Variants in PRDM12 observed in about 807,000 individuals in gnomAD.
The protein encoded by PRDM12 is PR domain zinc finger protein 12.
In PRDM12, 17 loss-of-function variants were observed where a neutral mutation model predicts 29.6. That is an observed-to-expected ratio of 0.57 (90% CI 0.39 to 0.86). The LOEUF is 0.86. Among genes scored for constraint, PRDM12 ranks in the 40% least tolerant of loss-of-function variants. PRDM12 has a pLI of 0.00. For missense variants in PRDM12, 422 were observed against 510.8 expected (o/e 0.83, Z 1.68); for synonymous variants, 231 against 225.8 (o/e 1.02, Z -0.21).
intron 3 of PRDM12, among the ~76,000 whole-genome samples, chr9:130,669,042 G>A (rs1177971114): frequency 6.6e-6 from 1 of 152,166 alleles, no homozygotes; most frequent in Non-Finnish European, 1.5e-5. Context: ...TGAACACGGT[G>A]GCTTATGCCT....
intron 2 of PRDM12, 65 bp downstream of exon 2, chr9:130,666,863 C>T: frequency 2.0e-6 from 3 of 1,515,070 alleles, no homozygotes; most frequent in Non-Finnish European, 1.8e-6. Flanking sequence ...GGGTAGGACT[C>T]GGGCGTCCGG....
chr9:130,673,023 A>C (rs1830803512), intron 3 of PRDM12, among the ~76,000 whole-genome samples: 1 of 152,158 alleles, frequency 6.6e-6, no homozygotes, highest in African/African-American at 2.4e-5. Flanking sequence ...AGTTTTACTG[A>C]TGTGGATTTT....
At chr9:130,680,659 A>ATATATATATATATATATATTT in intron 4 of PRDM12, among the ~76,000 whole-genome samples, 26 of 72,154 alleles carry the variant, frequency 3.6e-4, no homozygotes, top group Non-Finnish European at 5.3e-4. Context: ...ATATATATAT[A>ATATATATATATATATATATTT]TTTTTTTTTT....
At position 130,668,437 on chromosome 9, in the gene PRDM12, G is replaced by C. The variant is rs1451953737; in HGVS notation, c.570+124G>C. 2.0e-5 allele frequency: 30 copies of C among 1,469,676 alleles called. No homozygotes were observed. The highest frequency in any genetic ancestry group is 1.8e-5 in the Non-Finnish European group (19 of 1,077,758). The allele number at this position is 1,469,676 out of a possible 1,614,324, so 91.0% of individuals were successfully genotyped here. ...AGGGGAGCTGACACTGGCCTCGCTG[G>C]CTCTGCGCAGGCCATGGGGCTGTGG... On this transcript the variant is annotated intron_variant, in intron 3 of 4. Transcript: ENST00000253008. The surrounding 1 kb of genome is among the most constrained non-coding windows in gnomAD (Gnocchi z 4.0).
rs1485722490 is a variant in PRDM12 at position 130,682,328 on chromosome 9, G to A, written c.*659G>A. On this transcript the variant is annotated 3_prime_UTR_variant, in exon 5 of 5. Transcript: ENST00000253008. This position sits in a 1 kb window ranked among gnomAD's most constrained non-coding sequence, Gnocchi z 4.2. Reference sequence around the variant, plus strand: ...CCCCCAAACCTGGCTCCTGGGGACGGATGAGGAAGGAGCTCTTTGCAGTGC... The same window carrying A: ...CCCCCAAACCTGGCTCCTGGGGACGAATGAGGAAGGAGCTCTTTGCAGTGC... 1.3e-5 allele frequency: 2 copies of A among 152,388 alleles called. No individual in the cohort carries two copies. Among genetic ancestry groups the A allele is most frequent in the African/African-American group, 2.4e-5 (1 of 41,462 alleles). 9.4% of individuals were successfully genotyped at this position (152,388 alleles called of 1,614,324 possible). A position where few individuals can be genotyped will look rare whatever the true frequency, so the allele number is the denominator to read the frequency against.
chr9:130,664,664 C>T lies in PRDM12; in HGVS notation c.11C>T (p.Ser4Phe), dbSNP rs753820113. Residue 4 changes from serine (S) to phenylalanine (F), a missense_variant, in exon 1 of 5, where the codon TCC (serine) becomes TTC (phenylalanine). By Grantham distance (155) the Ser-to-Phe change is radical (BLOSUM62 -2). Around this residue, in one of 5 missense-constraint regions of PRDM12, gnomAD observed 300 missense variants for 350.0 expected, o/e 0.86. Transcript: ENST00000253008. The surrounding 1 kb of genome is among the most constrained non-coding windows in gnomAD (Gnocchi z 6.4). Reference protein sequence around the residue: MMGSVLPAEALVLK... With the variant: MMGFVLPAEALVLK... ...AGCTCCGGGCCGCCCATGATGGGCT[C>T]CGTGCTCCCGGCTGAGGCCCTGGTG... 5 of 1,593,558 alleles carry T rather than the reference C, an allele frequency of 3.1e-6. No homozygotes were observed. Among genetic ancestry groups the T allele is most frequent in the East Asian group, 2.3e-5 (1 of 44,136 alleles).
chr9:130,677,515 G>T (rs1349754781), intron 3 of PRDM12, among the ~76,000 whole-genome samples: 1 of 152,252 alleles, frequency 6.6e-6, no homozygotes, highest in African/African-American at 2.4e-5. Context: ...GGGGTGTCTG[G>T]GTTTCTCTGG....
chr9:130,670,740 G>A (rs1341328685), intron 3 of PRDM12, among the ~76,000 whole-genome samples: 3 of 152,114 alleles, frequency 2.0e-5, no homozygotes, highest in South Asian at 2.1e-4. Context: ...TGTGATGGAG[G>A]GCTCCAACCC....
At chr9:130,680,634 A>AAAATATATATATATAT (rs1469778040) in intron 4 of PRDM12, among the ~76,000 whole-genome samples, 2 of 88,498 alleles carry the variant, frequency 2.3e-5, no homozygotes, top group African/African-American at 1.1e-4. Context: ...AAAAAAAAAA[A>AAAATATATATATATAT]ATATATATAT....
At chr9:130,675,208 A>C (rs1229640937) in intron 3 of PRDM12, among the ~76,000 whole-genome samples, 1 of 152,230 alleles carries the variant, frequency 6.6e-6, no homozygotes, top group African/African-American at 2.4e-5. Context: ...ATTTAATAAT[A>C]GTTGTTTTCA....
At position 130,664,960 on chromosome 9, in the gene PRDM12, G is replaced by C. The variant is rs964376985; in HGVS notation, c.223+84G>C. ...CCTGGCGATGCGCGAGACGCGGCTG[G>C]GATACCCGGCCTCGCTGCTACTCGC... On this transcript the variant is annotated intron_variant, in intron 1 of 4. Transcript: ENST00000253008. The surrounding 1 kb of genome is among the most constrained non-coding windows in gnomAD (Gnocchi z 6.4). 3 of 1,353,538 alleles carry C rather than the reference G, an allele frequency of 2.2e-6. No individual in the cohort carries two copies. In the East Asian group the frequency reaches 7.7e-5, roughly 35 times the overall value. The allele number at this position is 1,353,538 out of a possible 1,614,324, so 83.8% of individuals were successfully genotyped here.
rs563963777 is a variant in PRDM12, at chr9:130,676,976, G to A, written c.571-1553G>A. Among the ~76,000 whole-genome samples, 3 of 152,216 alleles carry A rather than the reference G, an allele frequency of 2.0e-5. No individual in the cohort carries two copies. The East Asian group carries it at 5.8e-4, about 29-fold the overall frequency. ...CAGACTGGAGTGGTCACCCAGGCTG[G>A]AGTGTAGTGGTGCAATCTCGGCTTA... On this transcript the variant is annotated intron_variant, in intron 3 of 4. Coordinates refer to ENST00000253008, the MANE Select transcript of PRDM12 (RefSeq NM_021619.3).
chr9:130,666,838 A>AG (rs1335811117), intron 2 of PRDM12, 40 bp downstream of exon 2: 1 of 1,547,092 alleles, frequency 6.5e-7, no homozygotes, highest in Non-Finnish European at 8.7e-7. Flanking sequence ...AGGGCCGGCG[A>AG]GGGGCGCTGG....
chr9:130,674,936 G>A (rs902548946), intron 3 of PRDM12, among the ~76,000 whole-genome samples: 1 of 152,132 alleles, frequency 6.6e-6, no homozygotes, highest in Non-Finnish European at 1.5e-5. Flanking sequence ...CAGTAGGGCA[G>A]TGGCATGATC....
Position 130,666,787 on chromosome 9 carries a change from C to G in PRDM12, c.403C>G (p.Leu135Val). ...CGTGGACATCTGCAAGAACAACAAC[C>G]TCATGTGGGAGGTACGCGCGGGCTG... Reference protein sequence around the residue: ...EHVDICKNNNLMWEVFNEDGT... With the variant: ...EHVDICKNNNVMWEVFNEDGT... The change falls in exon 2 of 5, where the codon CTC (leucine) becomes GTC (valine). Residue 135 changes from leucine (L) to valine (V), a missense_variant. Physicochemically the swap from Leu to Val is conservative, Grantham distance 32. This residue lies in a region of PRDM12 where 300 missense variants were observed against 350.0 expected (regional missense o/e 0.86). Coordinates refer to ENST00000253008, the MANE Select transcript of PRDM12 (RefSeq NM_021619.3). 1 of 1,609,680 alleles carries G rather than the reference C, an allele frequency of 6.2e-7. No homozygotes were observed. The highest frequency in any genetic ancestry group is 2.2e-5 in the East Asian group (1 of 44,608).
intron 4 of PRDM12, among the ~76,000 whole-genome samples, chr9:130,680,657 A>ATTTTT (rs1399560598): frequency 4.6e-5 from 4 of 87,536 alleles, no homozygotes; most frequent in South Asian, 3.7e-4. Flanking sequence ...ATATATATAT[A>ATTTTT]TATTTTTTTT....
intron 3 of PRDM12, among the ~76,000 whole-genome samples, chr9:130,675,610 T>C (rs1055295218): frequency 3.9e-5 from 6 of 152,200 alleles, no homozygotes; most frequent in African/African-American, 1.2e-4. Flanking sequence ...CGCTTCCATG[T>C]CTCGATTATG....
intron 3 of PRDM12, among the ~76,000 whole-genome samples, chr9:130,675,235 C>T (rs565199069): frequency 2.6e-5 from 4 of 152,292 alleles, no homozygotes; most frequent in Admixed American, 6.5e-5. Context: ...ATTAAAAGGC[C>T]GGTGTTGGCT....
intron 3 of PRDM12, among the ~76,000 whole-genome samples, chr9:130,671,374 GACACAC>G (rs56920587): frequency 0.027 from 3,710 of 135,702 alleles, 117 homozygotes; most frequent in African/African-American, 0.082. Context: ...AGAGGATCAG[GACACAC>G]ACACACACAC....
Sources: allele counts gnomAD v4.1 joint callset (sites outside exome capture counted in the v4.1 genomes callset), GRCh38; gene constraint gnomAD v4.1.1; regional missense constraint gnomAD v4.1.1; non-coding constraint Gnocchi (gnomAD v3.1); transcripts MANE v1.5; gene names NCBI Gene and HGNC (gene_info 2026-07-23, HGNC 2026-07-21).